Variants in ATF7IP observed in about 807,000 individuals in gnomAD.
ATF7IP encodes the protein activating transcription factor 7 interacting protein, also known as activating transcription factor 7-interacting protein 1.
In ATF7IP, 23 loss-of-function variants were observed where a neutral mutation model predicts 106.4. That is an observed-to-expected ratio of 0.22 (90% CI 0.16 to 0.31). The LOEUF (loss-of-function observed/expected upper bound fraction) is 0.31, where lower values mean the gene tolerates loss of function less well. Among genes scored for constraint, ATF7IP ranks in the 10% least tolerant of loss-of-function variants. The pLI is 1.00. For synonymous variants in ATF7IP, 542 were observed against 539.0 expected (o/e 1.01, Z -0.08); for missense variants, 1,334 against 1,524.3 (o/e 0.88, Z 2.08).
intron 13 of ATF7IP, among the ~76,000 whole-genome samples, chr12:14,487,848 G>A (rs569078346): frequency 1.4e-3 from 208 of 152,248 alleles, no homozygotes; most frequent in African/African-American, 4.9e-3. Context: ...AGGAGGAACC[G>A]ACCAGTTTCA....
chr12:14,388,302 G>C (rs964450814), intron 1 of ATF7IP, among the ~76,000 whole-genome samples: 9 of 151,474 alleles, frequency 5.9e-5, no homozygotes, highest in African/African-American at 2.2e-4. Flanking sequence ...TGCCCGCCTT[G>C]GCCTCCCAAA....
chr12:14,419,959 T>C lies in ATF7IP; in HGVS notation c.-7-3950T>C, dbSNP rs183370329. On this transcript the variant is annotated intron_variant, in intron 1 of 14. Coordinates refer to ENST00000261168, the MANE Select transcript of ATF7IP (RefSeq NM_018179.5). Reference sequence around the variant, plus strand: ...AATGTATCACAGTCTAGAAATTCTCTGACAAAGTGCTAGAATCTCAAGCTG... The same window carrying C: ...AATGTATCACAGTCTAGAAATTCTCCGACAAAGTGCTAGAATCTCAAGCTG... 267 of 152,356 alleles carry C rather than the reference T, an allele frequency of 1.8e-3. 1 individual carries two copies. The highest frequency in any genetic ancestry group is 6.3e-3 in the African/African-American group (261 of 41,580). The allele number at this position is 152,356 out of a possible 1,614,324, so 9.4% of individuals were successfully genotyped here.
rs141345802 is a variant in ATF7IP at position 14,424,455 on chromosome 12, T to G, written c.540T>G (p.Pro180=). Residue 180 remains proline, a synonymous_variant, in exon 2 of 15, where the codon CCT becomes CCG. Coordinates refer to ENST00000261168, the MANE Select transcript of ATF7IP (RefSeq NM_018179.5). ...ASGDATSGDA[P]SGDVSPGDAT... ...GTGATGCAACCTCTGGTGATGCCCC[T>G]TCTGGTGATGTGTCCCCTGGTGATG... The G allele has an allele frequency of 2.3e-5, 37 of 1,611,416 alleles. No individual in the cohort carries two copies. In the African/African-American group the frequency reaches 3.6e-4, roughly 16 times the overall value.
Position 14,396,871 on chromosome 12 carries a change from G to C in ATF7IP, c.-7-27038G>C, listed in dbSNP as rs540086151. 5.3e-5 allele frequency among the ~76,000 whole-genome samples: 8 copies of C among 152,204 alleles called. No individual in the cohort carries two copies. The East Asian group carries it at 1.5e-3, about 29-fold the overall frequency. ...CAATCAAAACAAAGATAAAAGTCAT[G>C]AGTATGATTACAGGCGTGGTGGCTC... On this transcript the variant is annotated intron_variant, in intron 1 of 14. Coordinates refer to ENST00000261168, the MANE Select transcript of ATF7IP (RefSeq NM_018179.5).
intron 13 of ATF7IP, among the ~76,000 whole-genome samples, chr12:14,488,839 A>G (rs1275601382): frequency 6.6e-6 from 1 of 152,230 alleles, no homozygotes; most frequent in Non-Finnish European, 1.5e-5. Context: ...GTTGATAGGA[A>G]GTCAATAAAT....
At chr12:14,445,936 T>A (rs1942935255) in intron 5 of ATF7IP, among the ~76,000 whole-genome samples, 1 of 152,196 alleles carries the variant, frequency 6.6e-6, no homozygotes, top group Non-Finnish European at 1.5e-5. Context: ...ACGTCTATGC[T>A]TAGTAAAAGA....
intron 1 of ATF7IP, among the ~76,000 whole-genome samples, chr12:14,400,390 A>G (rs1940125386): frequency 6.6e-6 from 1 of 152,134 alleles, no homozygotes; most frequent in African/African-American, 2.4e-5. Flanking sequence ...ATGAAGACAG[A>G]CTTTGTTATT....
chr12:14,441,195 G>A (rs1942676301), intron 5 of ATF7IP, among the ~76,000 whole-genome samples: 1 of 152,250 alleles, frequency 6.6e-6, no homozygotes, highest in African/African-American at 2.4e-5. Context: ...GTTCCCACCA[G>A]CAATGTATGA....
At chr12:14,472,782 G>A (rs986781633) in intron 10 of ATF7IP, among the ~76,000 whole-genome samples, 4 of 151,750 alleles carry the variant, frequency 2.6e-5, no homozygotes, top group Admixed American at 2.6e-4. Flanking sequence ...TCAAATCTCT[G>A]TTCATCTTCA....
chr12:14,446,180 C>T (rs1488113866), intron 5 of ATF7IP, among the ~76,000 whole-genome samples: 1 of 151,514 alleles, frequency 6.6e-6, no homozygotes, highest in Non-Finnish European at 1.5e-5. Context: ...CAGAGTCTAA[C>T]TCTGTTGCCC....
rs1439153718 is a variant in ATF7IP, at chr12:14,436,106, A to G, written c.1646A>G (p.Asn549Ser). The change falls in exon 4 of 15, where the codon AAT (asparagine) becomes AGT (serine). Residue 549 changes from asparagine to serine, a missense_variant and splice_region_variant. This residue lies in a region of ATF7IP where 119 missense variants were observed against 117.8 expected (regional missense o/e 1.01). Transcript: ENST00000261168. Reference protein sequence around the residue: ...HEDDERPSEKNEFSRRKRSKS... With the variant: ...HEDDERPSEKSEFSRRKRSKS... ...TGATCATTGTGGTTTTCCTTCTCAG[A>G]TGAATTTTCTAGACGAAAACGTTCT... The G allele has an allele frequency of 1.2e-6, 2 of 1,612,480 alleles. No homozygotes were observed. The highest frequency in any genetic ancestry group is 1.7e-5 in the Admixed American group (1 of 59,848).
chr12:14,455,609 T>G (rs1943395596), intron 6 of ATF7IP, among the ~76,000 whole-genome samples: 1 of 152,092 alleles, frequency 6.6e-6, no homozygotes, highest in African/African-American at 2.4e-5. Context: ...TTTTGAGGCA[T>G]GTTCTGGCTC....
intron 1 of ATF7IP, among the ~76,000 whole-genome samples, chr12:14,406,437 A>T (rs997017232): frequency 7.9e-5 from 12 of 151,936 alleles, no homozygotes; most frequent in African/African-American, 2.9e-4. Context: ...TGTTTGTGAT[A>T]TACTCTTTTC....
chr12:14,445,741 A>T (rs1029262931), intron 5 of ATF7IP, among the ~76,000 whole-genome samples: 2 of 152,204 alleles, frequency 1.3e-5, no homozygotes, highest in Non-Finnish European at 2.9e-5. Flanking sequence ...AAGAAACTTT[A>T]AAAGTAAATC....
At chr12:14,471,348 G>A (rs1042434368) in intron 10 of ATF7IP, among the ~76,000 whole-genome samples, 12 of 151,878 alleles carry the variant, frequency 7.9e-5, no homozygotes, top group African/African-American at 2.9e-4. Context: ...TTGCTGTAGT[G>A]GTTTTATCTA....
chr12:14,377,250 C>G (rs1447507199), intron 1 of ATF7IP, among the ~76,000 whole-genome samples: 1 of 151,950 alleles, frequency 6.6e-6, no homozygotes, highest in Non-Finnish European at 1.5e-5. Context: ...CTGCTTCGGC[C>G]TCCCAAAGTG....
chr12:14,467,993 A>G (rs1015110923), intron 10 of ATF7IP, among the ~76,000 whole-genome samples: 1 of 152,130 alleles, frequency 6.6e-6, no homozygotes, highest in South Asian at 2.1e-4. Context: ...GTGGCTGGGC[A>G]TGGTGTCTCA....
At chr12:14,428,305 A>T (rs1941963432) in intron 2 of ATF7IP, among the ~76,000 whole-genome samples, 1 of 152,186 alleles carries the variant, frequency 6.6e-6, no homozygotes, top group Non-Finnish European at 1.5e-5. Flanking sequence ...TGAAAATTCA[A>T]AGTTGGGAAT....
intron 13 of ATF7IP, among the ~76,000 whole-genome samples, chr12:14,489,552 C>T (rs1355325920): frequency 6.6e-6 from 1 of 152,098 alleles, no homozygotes; most frequent in Non-Finnish European, 1.5e-5. Context: ...GATTCGTGGA[C>T]CCATGAATCC....
Sources: gnomAD v4.1 joint callset for allele counts (sites outside exome capture counted in the v4.1 genomes callset) on GRCh38, gnomAD v4.1.1 for gene constraint, gnomAD v4.1.1 regional missense constraint, MANE v1.5 for transcripts, NCBI Gene and HGNC (gene_info 2026-07-23, HGNC 2026-07-21) for gene names.